Variants in GPC5 observed in about 807,000 individuals in gnomAD.
GPC5 encodes the protein glypican 5.
A neutral mutation model predicts 53.9 loss-of-function variants in GPC5; 47 were observed. The ratio of observed to expected loss-of-function variants is 0.87; its 90% CI spans 0.69 to 1.11. GPC5 has a LOEUF of 1.11. Among genes scored for constraint, GPC5 ranks in the 50% most tolerant of loss-of-function variants. GPC5 has a pLI of 0.00. For missense variants in GPC5, 748 were observed against 713.1 expected (o/e 1.05, Z -0.56); for synonymous variants, 286 against 263.3 (o/e 1.09, Z -0.84).
At chr13:92,300,077 A>T (rs2043065218) in intron 7 of GPC5, among the ~76,000 whole-genome samples, 3 of 152,210 alleles carry the variant, frequency 2.0e-5, no homozygotes, top group African/African-American at 7.2e-5. Flanking sequence ...CCTTTTAGTT[A>T]GAAACCACAT....
chr13:92,245,025 G>A lies in GPC5; in HGVS notation c.1561+100036G>A, dbSNP rs545806885. Among the ~76,000 whole-genome samples, 519 of 135,750 alleles carry A rather than the reference G, an allele frequency of 3.8e-3. 5 individuals carry two copies. Among genetic ancestry groups the A allele is most frequent in the African/African-American group, 0.015 (502 of 33,888 alleles). 89.1% of individuals were successfully genotyped at this position (135,750 alleles called of 152,430 possible). On this transcript the variant is annotated intron_variant, in intron 7 of 7. Coordinates refer to ENST00000377067, the MANE Select transcript of GPC5 (RefSeq NM_004466.6). ...TGCACTCCAGTCCTGGTGACAAAGC[G>A]AGACTCCATCTGAAAAAAAAAAAAA...
intron 2 of GPC5, among the ~76,000 whole-genome samples, chr13:91,531,099 C>T (rs537238900): frequency 1.3e-5 from 2 of 152,308 alleles, no homozygotes; most frequent in South Asian, 4.1e-4. Flanking sequence ...TTGGCTCCAG[C>T]TCTGAAGCAT....
At chr13:91,428,948 C>G (rs1411581582) in intron 1 of GPC5, among the ~76,000 whole-genome samples, 1 of 152,080 alleles carries the variant, frequency 6.6e-6, no homozygotes, top group African/African-American at 2.4e-5. Flanking sequence ...GAGAGAGAGT[C>G]TCACTCTGTT....
intron 7 of GPC5, among the ~76,000 whole-genome samples, chr13:92,336,309 T>C (rs1024458975): frequency 6.6e-6 from 1 of 152,238 alleles, no homozygotes; most frequent in Non-Finnish European, 1.5e-5. Context: ...ATCAGGTAGC[T>C]GATAATTTTT....
At chr13:92,359,043 G>A (rs1033453222) in intron 7 of GPC5, among the ~76,000 whole-genome samples, 5 of 151,642 alleles carry the variant, frequency 3.3e-5, no homozygotes, top group Non-Finnish European at 7.4e-5. Flanking sequence ...TTCCAAACTT[G>A]TGTGTTCTGC....
rs574883242 is a variant in GPC5 at position 91,582,865 on chromosome 13, T to A, written c.326-110322T>A. Among the ~76,000 whole-genome samples the A allele has an allele frequency of 2.6e-5, 4 of 152,134 alleles. No individual in the cohort carries two copies. In the South Asian group the frequency reaches 6.2e-4, roughly 24 times the overall value. On this transcript the variant is annotated intron_variant, in intron 2 of 7. Transcript: ENST00000377067. Reference sequence around the variant, plus strand: ...GTGTCTCTACTAAATATACAAAAATTATCTGGGCATGGTGGCACCCAGCTA... The same window carrying A: ...GTGTCTCTACTAAATATACAAAAATAATCTGGGCATGGTGGCACCCAGCTA...
chr13:92,634,331 A>G (rs1885348364), intron 7 of GPC5, among the ~76,000 whole-genome samples: 2 of 152,136 alleles, frequency 1.3e-5, no homozygotes, highest in African/African-American at 4.8e-5. Context: ...TACTCAAAAT[A>G]CTGGTGAACT....
At chr13:91,445,758 A>G (rs1319734432) in intron 1 of GPC5, among the ~76,000 whole-genome samples, 1 of 152,172 alleles carries the variant, frequency 6.6e-6, no homozygotes, top group African/African-American at 2.4e-5. Context: ...TACAGGCATG[A>G]GCCACCATGC....
intron 2 of GPC5, among the ~76,000 whole-genome samples, chr13:91,462,770 A>G (rs1882016934): frequency 6.6e-6 from 1 of 151,988 alleles, no homozygotes; most frequent in African/African-American, 2.4e-5. Flanking sequence ...TCACATTCTG[A>G]TTTCTGATGT....
chr13:91,801,368 A>C (rs921688343), intron 5 of GPC5, among the ~76,000 whole-genome samples: 8 of 152,036 alleles, frequency 5.3e-5, no homozygotes, highest in African/African-American at 1.9e-4. Flanking sequence ...CATGATGAAC[A>C]CATTTCAGAA....
intron 7 of GPC5, among the ~76,000 whole-genome samples, chr13:92,802,379 G>A (rs1876937914): frequency 6.6e-6 from 1 of 151,692 alleles, no homozygotes; most frequent in African/African-American, 2.4e-5. Flanking sequence ...AGCAATGCAG[G>A]ACTATGTCTT....
chr13:92,537,983 A>G (rs1413873375), intron 7 of GPC5, among the ~76,000 whole-genome samples: 1 of 152,090 alleles, frequency 6.6e-6, no homozygotes, highest in East Asian at 1.9e-4. Flanking sequence ...TGGTCTGAAC[A>G]TTTAATTTTT....
chr13:92,593,755 A>C (rs1461560737), intron 7 of GPC5, among the ~76,000 whole-genome samples: 4 of 152,206 alleles, frequency 2.6e-5, no homozygotes, highest in African/African-American at 7.2e-5. Context: ...AGTCAAAGAA[A>C]GAAAGTGTTT....
chr13:92,189,124 C>A (rs1213622489), intron 7 of GPC5, among the ~76,000 whole-genome samples: 1 of 152,132 alleles, frequency 6.6e-6, no homozygotes, highest in African/African-American at 2.4e-5. Context: ...CCTTCAGGAG[C>A]TTTACTAGGT....
chr13:92,195,768 A>G (rs577343192), intron 7 of GPC5, among the ~76,000 whole-genome samples: 20 of 152,338 alleles, frequency 1.3e-4, no homozygotes, highest in African/African-American at 4.8e-4. Context: ...TTATTTATAT[A>G]CTTAATAAAA....
chr13:92,428,575 C>G (rs963337797), intron 7 of GPC5, among the ~76,000 whole-genome samples: 1 of 152,026 alleles, frequency 6.6e-6, no homozygotes, highest in Non-Finnish European at 1.5e-5. Context: ...CTCAGAGAAA[C>G]TGAGTTTGAA....
At chr13:92,327,813 C>A (rs558567203) in intron 7 of GPC5, among the ~76,000 whole-genome samples, 3 of 152,252 alleles carry the variant, frequency 2.0e-5, no homozygotes, top group African/African-American at 7.2e-5. Flanking sequence ...TTTCTTGCAT[C>A]ATTTTCTCCT....
intron 1 of GPC5, among the ~76,000 whole-genome samples, chr13:91,444,398 T>C (rs1880641032): frequency 6.6e-6 from 1 of 152,138 alleles, no homozygotes; most frequent in Admixed American, 6.5e-5. Flanking sequence ...TGTGGGATAT[T>C]ATTCTGTTTC....
intron 2 of GPC5, among the ~76,000 whole-genome samples, chr13:91,578,463 A>G (rs193222394): frequency 1.6e-4 from 24 of 152,258 alleles, no homozygotes; most frequent in Admixed American, 1.2e-3. Flanking sequence ...CTCATAGAAG[A>G]GAGTTATTGG....
Sources: gnomAD v4.1 joint callset for allele counts (sites outside exome capture counted in the v4.1 genomes callset) on GRCh38, gnomAD v4.1.1 for gene constraint, MANE v1.5 for transcripts, NCBI Gene and HGNC (gene_info 2026-07-23, HGNC 2026-07-21) for gene names.